The following TOP1 variants were observed in gnomAD, a reference collection of about 807,000 sequenced individuals.
TOP1 encodes the protein DNA topoisomerase I.
TOP1 carries 10 observed loss-of-function variants against 111.1 expected under a neutral mutation model. The observed-to-expected ratio is 0.09, with a 90% CI of 0.06 to 0.15. TOP1 has a LOEUF of 0.15. TOP1 is among the 10% of genes least tolerant of loss of function. The pLI, the probability that TOP1 is intolerant of heterozygous loss-of-function variation, is 1.00. For missense variants in TOP1, 474 were observed against 926.7 expected (o/e 0.51, Z 6.34); for synonymous variants, 271 against 302.9 (o/e 0.89, Z 1.10).
Position 41,124,074 on chromosome 20 carries a change from C to T in TOP1, c.*777C>T, listed in dbSNP as rs1254664815. On this transcript the variant is annotated 3_prime_UTR_variant, in exon 21 of 21. Transcript: ENST00000361337. This position sits in a 1 kb window ranked among gnomAD's most constrained non-coding sequence, Gnocchi z 5.4. ...TAATGAAATAATCAGTGACTGAAAC[C>T]ATTTTCCCATCATCCTTTGTTCTGA... is the stretch of plus-strand genomic sequence containing the variant. 4.3e-6 allele frequency: 1 copy of T among 233,006 alleles called. No individual in the cohort carries two copies. The highest frequency in any genetic ancestry group is 8.5e-6 in the Non-Finnish European group (1 of 117,846). 14.4% of individuals were successfully genotyped at this position (233,006 alleles called of 1,614,324 possible).
Position 41,112,232 on chromosome 20 carries a change from C to A in TOP1, c.1309-550C>A, listed in dbSNP as rs2034254332. Among the ~76,000 whole-genome samples the A allele has an allele frequency of 6.6e-6, 1 of 152,134 alleles. No individual in the cohort carries two copies. Among genetic ancestry groups the A allele is most frequent in the South Asian group, 2.1e-4 (1 of 4,830 alleles). On this transcript the variant is annotated intron_variant, in intron 13 of 20. Transcript: ENST00000361337. The surrounding 1 kb of genome is among the most constrained non-coding windows in gnomAD (Gnocchi z 5.8). ...CACCACACTGTAATTTAATGGAATT[C>A]ACTTAGATTTAATGGAATTCAGTCC...
chr20:41,109,618 C>A lies in TOP1; in HGVS notation c.1309-3164C>A, dbSNP rs956212744. Among the ~76,000 whole-genome samples the A allele has an allele frequency of 3.3e-5, 5 of 152,160 alleles. No individual in the cohort carries two copies. Among genetic ancestry groups the A allele is most frequent in the African/African-American group, 1.2e-4 (5 of 41,450 alleles). ...TTCCTGTAGCTCCATAATAAAAAAA[C>A]AGACATCCCATCCGCATAATAAAAA... On this transcript the variant is annotated intron_variant, in intron 13 of 20. Transcript: ENST00000361337. This position sits in a 1 kb window ranked among gnomAD's most constrained non-coding sequence, Gnocchi z 4.1.
chr20:41,106,142 T>C lies in TOP1; in HGVS notation c.1308+4789T>C, dbSNP rs1469620090. Among the ~76,000 whole-genome samples, 1 of 152,186 alleles carries C rather than the reference T, an allele frequency of 6.6e-6. No individual in the cohort carries two copies. Among genetic ancestry groups the C allele is most frequent in the African/African-American group, 2.4e-5 (1 of 41,442 alleles). On this transcript the variant is annotated intron_variant, in intron 13 of 20. Transcript: ENST00000361337. The surrounding 1 kb of genome is among the most constrained non-coding windows in gnomAD (Gnocchi z 4.3). Reference sequence around the variant, plus strand: ...AATGAGTAAACTGTTGTCACAGAACTATTTAGTTGTATTACCTCCTCTCTT... The same window carrying C: ...AATGAGTAAACTGTTGTCACAGAACCATTTAGTTGTATTACCTCCTCTCTT...
In TOP1 at chr20:41,116,414, A is replaced by G; in HGVS notation, c.1822+22A>G. 6.4e-7 allele frequency: 1 copy of G among 1,566,612 alleles called. No homozygotes were observed. Among genetic ancestry groups the G allele is most frequent in the Non-Finnish European group, 8.8e-7 (1 of 1,136,532 alleles). ...GCCCGTAAGTATTGCTTGGCCAGAT[A>G]GGGCCCACACCCCTACTAATGGTAT... On this transcript the variant is annotated intron_variant, in intron 17 of 20. Transcript: ENST00000361337. The surrounding 1 kb of genome is among the most constrained non-coding windows in gnomAD (Gnocchi z 5.6).
chr20:41,069,798 A>G lies in TOP1; in HGVS notation c.156-6373A>G, dbSNP rs1405310454. 6.6e-6 allele frequency among the ~76,000 whole-genome samples: 1 copy of G among 152,234 alleles called. No homozygotes were observed. The highest frequency in any genetic ancestry group is 2.4e-5 in the African/African-American group (1 of 41,458). The stretch of plus-strand genomic sequence containing the variant: ...ATATTTATCCCTATCATAGTACGCC[A>G]TAATCATTGTTTTTAAGATTTCATG... On this transcript the variant is annotated intron_variant, in intron 3 of 20. Coordinates refer to ENST00000361337, the MANE Select transcript of TOP1 (RefSeq NM_003286.4). This position sits in a 1 kb window ranked among gnomAD's most constrained non-coding sequence, Gnocchi z 4.1.
chr20:41,116,459 A>AAGGCCTAGAGTC lies in TOP1; in HGVS notation c.1822+70_1822+81dup, dbSNP rs2034331506. The AAGGCCTAGAGTC allele has an allele frequency of 3.1e-6, 4 of 1,283,392 alleles. No homozygotes were observed. The highest frequency in any genetic ancestry group is 4.5e-6 in the Non-Finnish European group (4 of 886,212). 79.5% of individuals were successfully genotyped at this position (1,283,392 alleles called of 1,614,324 possible). A position where few individuals can be genotyped will look rare whatever the true frequency, so the allele number is the denominator to read the frequency against. ...TGGTATCCGGTGACCTTGCTTATCT[A>AAGGCCTAGAGTC]AGGCCTAGAGTCAGTTCTACTTTTT... On this transcript the variant is annotated intron_variant, in intron 17 of 20. Coordinates refer to ENST00000361337, the MANE Select transcript of TOP1 (RefSeq NM_003286.4). The surrounding 1 kb of genome is among the most constrained non-coding windows in gnomAD (Gnocchi z 5.6).
At chr20:41,044,825 C>T (rs1339686205) in intron 2 of TOP1, among the ~76,000 whole-genome samples, 1 of 152,190 alleles carries the variant, frequency 6.6e-6, no homozygotes, top group Non-Finnish European at 1.5e-5. Flanking sequence ...GAGTCTTGCT[C>T]TGTCATTCAG....
chr20:41,108,325 G>T (rs2034179971), intron 13 of TOP1, among the ~76,000 whole-genome samples: 1 of 152,208 alleles, frequency 6.6e-6, no homozygotes, highest in South Asian at 2.1e-4. Flanking sequence ...GCACAAGCAT[G>T]ATGTGAACTA....
At chr20:41,099,600 C>G (rs1311108952) in intron 11 of TOP1, among the ~76,000 whole-genome samples, 2 of 152,012 alleles carry the variant, frequency 1.3e-5, no homozygotes, top group Non-Finnish European at 1.5e-5. Flanking sequence ...ACCTGTATAC[C>G]TACAAAAAAA....
At chr20:41,060,058 A>G (rs2033526143) in intron 2 of TOP1, among the ~76,000 whole-genome samples, 1 of 152,238 alleles carries the variant, frequency 6.6e-6, no homozygotes, top group South Asian at 2.1e-4. Context: ...TAGCAATTGG[A>G]ATGCTAATGA....
chr20:41,098,237 A>G lies in TOP1; in HGVS notation c.875A>G (p.Asn292Ser). 6.2e-7 allele frequency: 1 copy of G among 1,613,950 alleles called. No homozygotes were observed. The change falls in exon 11 of 21, where the codon AAT becomes AGT. Residue 292 changes from asparagine to serine, a missense_variant. Asn to Ser is a conservative substitution (Grantham distance 46). Coordinates refer to ENST00000361337, the MANE Select transcript of TOP1 (RefSeq NM_003286.4). This position sits in a 1 kb window ranked among gnomAD's most constrained non-coding sequence, Gnocchi z 5.7. ...WRKEMTNEEK[N>S]IITNLSKCDF... is the part of the protein sequence containing the mutation. ...TAGGAAATGACTAATGAAGAGAAGA[A>G]TATTATCACCAACCTAAGCAAATGT...
rs1050058987 is a variant in TOP1 at position 41,082,710 on chromosome 20, A to G, written c.507+1470A>G. The stretch of plus-strand genomic sequence containing the variant: ...TTCTTGGCCGAAGTTCAAATTAATA[A>G]GCACTAATTCAAGGAATTGAGAGTG... On this transcript the variant is annotated intron_variant, in intron 7 of 20. Transcript: ENST00000361337. This position sits in a 1 kb window ranked among gnomAD's most constrained non-coding sequence, Gnocchi z 4.1. Among the ~76,000 whole-genome samples, 12 of 152,372 alleles carry G rather than the reference A, an allele frequency of 7.9e-5. No individual in the cohort carries two copies. The highest frequency in any genetic ancestry group is 2.9e-4 in the African/African-American group (12 of 41,596).
rs1006013262 is a variant in TOP1 at position 41,058,369 on chromosome 20, G to C, written c.59-3025G>C. Reference sequence around the variant, plus strand: ...CAGGAATCCAGACATAGTTTATCTGGGTGGCTTTGGCTTACCATCTGTAGA... The same window carrying C: ...CAGGAATCCAGACATAGTTTATCTGCGTGGCTTTGGCTTACCATCTGTAGA... On this transcript the variant is annotated intron_variant, in intron 2 of 20. Coordinates refer to ENST00000361337, the MANE Select transcript of TOP1 (RefSeq NM_003286.4). The surrounding 1 kb of genome is among the most constrained non-coding windows in gnomAD (Gnocchi z 4.2). Among the ~76,000 whole-genome samples the C allele has an allele frequency of 6.6e-6, 1 of 152,184 alleles. No individual in the cohort carries two copies. The highest frequency in any genetic ancestry group is 2.4e-5 in the African/African-American group (1 of 41,438).
chr20:41,109,255 G>A lies in TOP1; in HGVS notation c.1309-3527G>A, dbSNP rs1256583243. Among the ~76,000 whole-genome samples, 1 of 152,082 alleles carries A rather than the reference G, an allele frequency of 6.6e-6. No individual in the cohort carries two copies. The highest frequency in any genetic ancestry group is 6.5e-5 in the Admixed American group (1 of 15,268). On this transcript the variant is annotated intron_variant, in intron 13 of 20. Transcript: ENST00000361337. This position sits in a 1 kb window ranked among gnomAD's most constrained non-coding sequence, Gnocchi z 4.1. Reference sequence around the variant, plus strand: ...TTCTATTAGAGAAAATAAGACACAAGCTCATTAAAAATATATATATATTCT... The same window carrying A: ...TTCTATTAGAGAAAATAAGACACAAACTCATTAAAAATATATATATATTCT...
chr20:41,083,447 AG>A lies in TOP1; in HGVS notation c.508-1014del, dbSNP rs1003570343. Among the ~76,000 whole-genome samples, 1 of 152,194 alleles carries A rather than the reference AG, an allele frequency of 6.6e-6. No homozygotes were observed. Among genetic ancestry groups the A allele is most frequent in the Non-Finnish European group, 1.5e-5 (1 of 68,034 alleles). On this transcript the variant is annotated intron_variant, in intron 7 of 20. Coordinates refer to ENST00000361337, the MANE Select transcript of TOP1 (RefSeq NM_003286.4). This position sits in a 1 kb window ranked among gnomAD's most constrained non-coding sequence, Gnocchi z 7.2. The stretch of plus-strand genomic sequence containing the variant: ...AATGTTTATTCCAGTTATTCCCATA[AG>A]TCACATTCTGTTATTTTTCTCATAA...
At chr20:41,041,861 C>G (rs2033269745) in intron 2 of TOP1, among the ~76,000 whole-genome samples, 1 of 151,736 alleles carries the variant, frequency 6.6e-6, no homozygotes, top group Non-Finnish European at 1.5e-5. Flanking sequence ...CGATACTCCA[C>G]AGGTTAAGGT....
Position 41,118,140 on chromosome 20 carries a change from C to T in TOP1, c.1823-29C>T, listed in dbSNP as rs192471149. 2.4e-5 allele frequency: 39 copies of T among 1,607,878 alleles called. No individual in the cohort carries two copies. Among genetic ancestry groups the T allele is most frequent in the Non-Finnish European group, 3.0e-5 (35 of 1,175,492 alleles). ...TTCACTTTTGGTGTACAAACTGACC[C>T]TCTTGCTACCATGTTCCTTTCTTTA... On this transcript the variant is annotated intron_variant, in intron 17 of 20. Transcript: ENST00000361337. The surrounding 1 kb of genome is among the most constrained non-coding windows in gnomAD (Gnocchi z 4.6).
In TOP1 at chr20:41,092,134, T is replaced by C. The variant is rs981192015; in HGVS notation, c.615-338T>C. Among the ~76,000 whole-genome samples the C allele has an allele frequency of 7.5e-4, 115 of 152,352 alleles. 2 individuals are homozygous for C. Among genetic ancestry groups the C allele is most frequent in the African/African-American group, 2.7e-3 (113 of 41,578 alleles). On this transcript the variant is annotated intron_variant, in intron 8 of 20. Coordinates refer to ENST00000361337, the MANE Select transcript of TOP1 (RefSeq NM_003286.4). This position sits in a 1 kb window ranked among gnomAD's most constrained non-coding sequence, Gnocchi z 4.3. Reference sequence around the variant, plus strand: ...ACAAACAATGTAAACAATCCCTCTGTCATGTATGCCATTGTGGTAAAACAA... The same window carrying C: ...ACAAACAATGTAAACAATCCCTCTGCCATGTATGCCATTGTGGTAAAACAA...
Position 41,103,146 on chromosome 20 carries a change from C to T in TOP1, c.1308+1793C>T, listed in dbSNP as rs187507731. Among the ~76,000 whole-genome samples the T allele has an allele frequency of 1.5e-3, 221 of 152,270 alleles. 3 individuals carry two copies. The highest frequency in any genetic ancestry group is 0.011 in the Admixed American group (171 of 15,290). Reference sequence around the variant, plus strand: ...GGTATCAATGCATATTTTACCACAACTTAAAAATGATCAAAATAACAGAGT... The same window carrying T: ...GGTATCAATGCATATTTTACCACAATTTAAAAATGATCAAAATAACAGAGT... On this transcript the variant is annotated intron_variant, in intron 13 of 20. Coordinates refer to ENST00000361337, the MANE Select transcript of TOP1 (RefSeq NM_003286.4).
Sources: gnomAD v4.1 joint callset for allele counts (sites outside exome capture counted in the v4.1 genomes callset) on GRCh38, gnomAD v4.1.1 for gene constraint, Gnocchi (gnomAD v3.1) non-coding constraint, MANE v1.5 for transcripts, NCBI Gene and HGNC (gene_info 2026-07-23, HGNC 2026-07-21) for gene names.